Variants in KCNJ12 observed in about 807,000 individuals in gnomAD.
KCNJ12 encodes the protein potassium inwardly rectifying channel subfamily J member 12.
KCNJ12 carries 2 observed loss-of-function variants against 22.3 expected under a neutral mutation model. That is an observed-to-expected ratio of 0.09 (90% CI 0.04 to 0.28). The LOEUF (loss-of-function observed/expected upper bound fraction) is 0.28, where lower values mean the gene tolerates loss of function less well. Among genes scored for constraint, KCNJ12 ranks in the 10% least tolerant of loss-of-function variants. The pLI is 1.00. For missense variants in KCNJ12, 155 were observed against 633.3 expected, an observed-to-expected ratio of 0.24 and a Z score of 8.11; for synonymous variants, 117 against 261.4, an observed-to-expected ratio of 0.45 and a Z score of 5.33.
At chr17:21,398,033 T>G (rs1905431602) in intron 1 of KCNJ12, among the ~76,000 whole-genome samples, 1 of 151,988 alleles carries the variant, frequency 6.6e-6, no homozygotes, top group South Asian at 2.1e-4. Flanking sequence ...AGACCATCCC[T>G]GCCACCCTGC....
intron 1 of KCNJ12, among the ~76,000 whole-genome samples, chr17:21,387,843 A>C (rs1905116259): frequency 6.6e-6 from 1 of 152,162 alleles, no homozygotes; most frequent in Admixed American, 6.6e-5. Flanking sequence ...CACCTGTCCA[A>C]GAGAAAGTTC....
intron 1 of KCNJ12, among the ~76,000 whole-genome samples, chr17:21,381,638 A>C (rs977860809): frequency 1.3e-5 from 2 of 151,638 alleles, no homozygotes; most frequent in Admixed American, 6.6e-5. Flanking sequence ...CCCAGATGCC[A>C]CCCTCTCTCC....
rs552912325 is a variant in KCNJ12 at position 21,387,021 on chromosome 17, C to T, written c.-179+10108C>T. ...TGCATCCTTTTTCTCTTTTAAGAAA[C>T]GTGCTCTCCCTGTAGTCCCAGCTAC... On this transcript the variant is annotated intron_variant, in intron 1 of 2. Coordinates refer to ENST00000583088, the MANE Select transcript of KCNJ12 (RefSeq NM_021012.5). Among the ~76,000 whole-genome samples, 27 of 152,314 alleles carry T rather than the reference C, an allele frequency of 1.8e-4. No individual in the cohort carries two copies. The East Asian group carries it at 2.5e-3, about 14-fold the overall frequency.
At chr17:21,405,093 T>C (rs1187862375) in intron 1 of KCNJ12, 2 of 152,458 alleles carry the variant, frequency 1.3e-5, no homozygotes, top group Non-Finnish European at 2.9e-5. Context: ...CCCTTGTGCG[T>C]TTTGTGGCTC....
chr17:21,385,176 C>T (rs1905033661), intron 1 of KCNJ12, among the ~76,000 whole-genome samples: 1 of 152,186 alleles, frequency 6.6e-6, no homozygotes, highest in African/African-American at 2.4e-5. Context: ...AGGGTGGTCC[C>T]ACCTTACTCC....
intron 2 of KCNJ12, among the ~76,000 whole-genome samples, chr17:21,414,686 C>T (rs567860418): frequency 1.3e-5 from 2 of 152,402 alleles, no homozygotes; most frequent in African/African-American, 2.4e-5. Flanking sequence ...GCCAAGGTGG[C>T]GAGGCAGTGG....
At chr17:21,381,190 T>C (rs1555557886) in intron 1 of KCNJ12, among the ~76,000 whole-genome samples, 1 of 152,156 alleles carries the variant, frequency 6.6e-6, no homozygotes, top group Non-Finnish European at 1.5e-5. Flanking sequence ...CCACCTGGAC[T>C]GAGCCCTCCC....
intron 1 of KCNJ12, among the ~76,000 whole-genome samples, chr17:21,388,280 G>C (rs564963502): frequency 1.3e-5 from 2 of 152,252 alleles, no homozygotes. Flanking sequence ...CAGCGGCCTC[G>C]CTTCAGACGC....
chr17:21,386,877 C>G (rs1905085729), intron 1 of KCNJ12, among the ~76,000 whole-genome samples: 1 of 152,212 alleles, frequency 6.6e-6, no homozygotes, highest in Non-Finnish European at 1.5e-5. Flanking sequence ...TATCCAAACT[C>G]TATATTTGCA....
chr17:21,382,305 G>A (rs938933979), intron 1 of KCNJ12, among the ~76,000 whole-genome samples: 51 of 152,176 alleles, frequency 3.4e-4, no homozygotes, highest in African/African-American at 1.2e-3. Context: ...CCTGGGGCGT[G>A]GGGCCTCTCA....
intron 1 of KCNJ12, among the ~76,000 whole-genome samples, chr17:21,402,340 T>TTC (rs146958586): frequency 9.2e-5 from 14 of 152,108 alleles, no homozygotes; most frequent in African/African-American, 2.2e-4. Context: ...TCTTTTTTTT[T>TTC]CCTCAGCCTG....
rs142688307 is a variant in KCNJ12 at position 21,391,425 on chromosome 17, C to T, written c.-179+14512C>T. On this transcript the variant is annotated intron_variant, in intron 1 of 2. Transcript: ENST00000583088. ...CCAGCCTGCGTTCTTGCTGTACCCC[C>T]GGACCACAGACCTCCTCACAAGACT... 1.1e-4 allele frequency among the ~76,000 whole-genome samples: 17 copies of T among 152,340 alleles called. No individual in the cohort carries two copies. In the East Asian group the frequency reaches 1.5e-3, roughly 14 times the overall value.
At chr17:21,408,830 C>G (rs1335631445) in intron 2 of KCNJ12, among the ~76,000 whole-genome samples, 190 bp downstream of exon 2, 1 of 152,304 alleles carries the variant, frequency 6.6e-6, no homozygotes, top group African/African-American at 2.4e-5. Flanking sequence ...CTCGCCCATG[C>G]CATCCGTTCC....
intron 2 of KCNJ12, among the ~76,000 whole-genome samples, chr17:21,412,321 T>A: frequency 6.6e-6 from 1 of 152,270 alleles, no homozygotes; most frequent in Admixed American, 6.5e-5. Flanking sequence ...TGCCAGGAGC[T>A]GTGGCAGCAC....
intron 1 of KCNJ12, among the ~76,000 whole-genome samples, chr17:21,403,039 C>T (rs1177158259): frequency 6.6e-6 from 1 of 152,302 alleles, no homozygotes; most frequent in Non-Finnish European, 1.5e-5. Context: ...GTACTGGGTC[C>T]TAGGGGCTCA....
At chr17:21,402,043 G>A (rs1316903277) in intron 1 of KCNJ12, among the ~76,000 whole-genome samples, 5 of 152,250 alleles carry the variant, frequency 3.3e-5, no homozygotes, top group Admixed American at 1.3e-4. Flanking sequence ...TCTGCCCAGC[G>A]TGCTGCGCGT....
intron 1 of KCNJ12, among the ~76,000 whole-genome samples, chr17:21,396,528 C>T (rs1905369741): frequency 2.0e-5 from 3 of 152,352 alleles, no homozygotes; most frequent in South Asian, 2.1e-4. Flanking sequence ...AGAGACATCC[C>T]CGTGCCTGGC....
chr17:21,400,501 C>A (rs1905542432), intron 1 of KCNJ12, among the ~76,000 whole-genome samples: 3 of 152,418 alleles, frequency 2.0e-5, no homozygotes, highest in South Asian at 4.1e-4. Context: ...GGCTGACCAC[C>A]CTTTTCATGC....
At chr17:21,411,036 C>A (rs1230383509) in intron 2 of KCNJ12, among the ~76,000 whole-genome samples, 13 of 152,304 alleles carry the variant, frequency 8.5e-5, no homozygotes, top group African/African-American at 2.7e-4. Context: ...CTCCGAGTCC[C>A]TATGTCTTAC....
Sources: allele counts gnomAD v4.1 joint callset (sites outside exome capture counted in the v4.1 genomes callset), GRCh38; gene constraint gnomAD v4.1.1; transcripts MANE v1.5; gene names NCBI Gene and HGNC (gene_info 2026-07-23, HGNC 2026-07-21).